Variants in CACNA1D observed in about 807,000 individuals in gnomAD.
CACNA1D encodes the protein calcium voltage-gated channel subunit alpha1 D.
Under a neutral mutation model 257.1 loss-of-function variants are expected in CACNA1D, and 55 were observed. That is an observed-to-expected ratio of 0.21 (90% CI 0.17 to 0.27). CACNA1D has a LOEUF of 0.27. Ranked by LOEUF, CACNA1D falls within the 10% of genes least tolerant of loss-of-function variation. The pLI, the probability that CACNA1D is intolerant of heterozygous loss-of-function variation, is 1.00. For synonymous variants in CACNA1D, 980 were observed against 1,014.9 expected (o/e 0.97, Z 0.65); for missense variants, 1,876 against 2,784.0 (o/e 0.67, Z 7.34).
At chr3:53,516,801 C>T (rs1044838771) in intron 3 of CACNA1D, among the ~76,000 whole-genome samples, 1 of 152,170 alleles carries the variant, frequency 6.6e-6, no homozygotes, top group Non-Finnish European at 1.5e-5. Flanking sequence ...TAGTTACTAG[C>T]GTCCCCATTT....
At chr3:53,674,998 C>A (rs2094360502) in intron 8 of CACNA1D, among the ~76,000 whole-genome samples, 3 of 152,240 alleles carry the variant, frequency 2.0e-5, no homozygotes, top group Admixed American at 2.0e-4. Flanking sequence ...TTTTTGGAAA[C>A]ACTGCCTTTT....
chr3:53,718,865 T>G (rs1252415715), intron 10 of CACNA1D: 2 of 843,592 alleles, frequency 2.4e-6, no homozygotes, highest in Non-Finnish European at 3.8e-6. Context: ...CATGGGACCT[T>G]CCTAACCTCA....
intron 3 of CACNA1D, among the ~76,000 whole-genome samples, chr3:53,538,454 G>A (rs1339577164): frequency 6.6e-6 from 1 of 152,132 alleles, no homozygotes; most frequent in African/African-American, 2.4e-5. Context: ...ACAGCGCCTG[G>A]CCTGTTTTTG....
chr3:53,810,434 G>A, intron 47 of CACNA1D, 136 bp downstream of exon 47: 1 of 832,718 alleles, frequency 1.2e-6, no homozygotes, highest in East Asian at 2.6e-5. Context: ...CTTCTGAGCA[G>A]CAGGAATGTA....
intron 3 of CACNA1D, among the ~76,000 whole-genome samples, chr3:53,579,274 A>G (rs2093091176): frequency 6.6e-6 from 1 of 152,262 alleles, no homozygotes; most frequent in Non-Finnish European, 1.5e-5. Context: ...AATCAAACAG[A>G]TGGACGGAGC....
Position 53,673,019 on chromosome 3 carries a change from G to C in CACNA1D, c.1117-4G>C. On this transcript the variant is annotated splice_region_variant and splice_polypyrimidine_tract_variant and intron_variant, in intron 7 of 47. Transcript: ENST00000350061. The surrounding 1 kb of genome is among the most constrained non-coding windows in gnomAD (Gnocchi z 4.1). ...CTCCTATGAGACCATCTTATTTCTTGCAGATGAATGATGCTATGGGATTTG... is the reference window on the plus strand; with the variant it reads ...CTCCTATGAGACCATCTTATTTCTTCCAGATGAATGATGCTATGGGATTTG... 1.9e-6 allele frequency: 3 copies of C among 1,544,398 alleles called. No homozygotes were observed. Among genetic ancestry groups the C allele is most frequent in the Non-Finnish European group, 1.8e-6 (2 of 1,140,352 alleles).
intron 5 of CACNA1D, among the ~76,000 whole-genome samples, chr3:53,663,957 G>A (rs1194169536): frequency 6.6e-6 from 1 of 152,016 alleles, no homozygotes; most frequent in Non-Finnish European, 1.5e-5. Flanking sequence ...GTAGAGATGG[G>A]GTTTCATCAT....
chr3:53,796,515 A>G, intron 40 of CACNA1D: 1 of 401,310 alleles, frequency 2.5e-6, no homozygotes, highest in South Asian at 1.8e-5. Flanking sequence ...CAGCAAAAGC[A>G]TTGCAAATGC....
At chr3:53,585,830 G>A (rs1442313295) in intron 3 of CACNA1D, among the ~76,000 whole-genome samples, 1 of 152,164 alleles carries the variant, frequency 6.6e-6, no homozygotes, top group Non-Finnish European at 1.5e-5. Flanking sequence ...AAGGGAGGCA[G>A]TGCCTGCAGT....
intron 3 of CACNA1D, among the ~76,000 whole-genome samples, chr3:53,600,908 C>A (rs1258200688): frequency 6.6e-6 from 1 of 152,190 alleles, no homozygotes; most frequent in Non-Finnish European, 1.5e-5. Flanking sequence ...GATTCCCGTA[C>A]ATGTCCTCTG....
intron 14 of CACNA1D, among the ~76,000 whole-genome samples, chr3:53,726,190 T>C (rs2094932936): frequency 1.3e-5 from 2 of 151,808 alleles, no homozygotes; most frequent in South Asian, 4.6e-4. Context: ...TAGCATGATA[T>C]CCTTTATGTC....
At chr3:53,697,448 G>A (rs1020037660) in intron 8 of CACNA1D, among the ~76,000 whole-genome samples, 6 of 152,330 alleles carry the variant, frequency 3.9e-5, no homozygotes, top group East Asian at 1.9e-4. Flanking sequence ...AACATTGTCC[G>A]TTCCTGCCTG....
At chr3:53,567,422 G>T (rs1322224762) in intron 3 of CACNA1D, among the ~76,000 whole-genome samples, 10 of 152,058 alleles carry the variant, frequency 6.6e-5, no homozygotes, top group Non-Finnish European at 1.5e-4. Flanking sequence ...CCCTACTTGG[G>T]GTATTCACAA....
At chr3:53,805,273 GC>G in intron 45 of CACNA1D, 127 bp downstream of exon 45, 2 of 847,160 alleles carry the variant, frequency 2.4e-6, no homozygotes, top group Non-Finnish European at 2.0e-6. Flanking sequence ...CTCAAGACCA[GC>G]CCCCAGCCAG....
intron 10 of CACNA1D, chr3:53,718,590 G>GC (rs1245576865): frequency 4.0e-5 from 13 of 324,646 alleles, no homozygotes; most frequent in East Asian, 1.3e-4. Flanking sequence ...CCGCCCCCCC[G>GC]CCCCCCGGCC....
rs532957038 is a variant in CACNA1D, at chr3:53,718,518, C to G, written c.1478+130C>G. On this transcript the variant is annotated intron_variant, in intron 10 of 47. Coordinates refer to ENST00000350061, the MANE Select transcript of CACNA1D (RefSeq NM_001128840.3). Reference sequence around the variant, plus strand: ...GGGTGTGGCGGGTGGGAAGGCTCCTCGTACCCCACGCCACGCTTCCTCCTG... The same window carrying G: ...GGGTGTGGCGGGTGGGAAGGCTCCTGGTACCCCACGCCACGCTTCCTCCTG... The G allele has an allele frequency of 2.9e-6, 3 of 1,046,596 alleles. No individual in the cohort carries two copies. In the South Asian group the frequency reaches 4.0e-5, roughly 14 times the overall value. The allele number at this position is 1,046,596 out of a possible 1,614,324, so 64.8% of individuals were successfully genotyped here.
chr3:53,654,309 G>A (rs535396391), intron 4 of CACNA1D, among the ~76,000 whole-genome samples: 5 of 152,256 alleles, frequency 3.3e-5, no homozygotes, highest in Non-Finnish European at 5.9e-5. Context: ...TTCTCCCCTC[G>A]TTTAAAAATT....
intron 3 of CACNA1D, among the ~76,000 whole-genome samples, chr3:53,568,013 G>GTT (rs2092877381): frequency 6.6e-6 from 1 of 152,180 alleles, no homozygotes; most frequent in African/African-American, 2.4e-5. Context: ...TAAATAAGTC[G>GTT]TTTAACCTAA....
rs1015685674 is a variant in CACNA1D at position 53,772,996 on chromosome 3, A to G, written c.4110+98A>G. The G allele has an allele frequency of 7.7e-6, 8 of 1,042,008 alleles. No individual in the cohort carries two copies. In the African/African-American group the frequency reaches 1.1e-4, roughly 14 times the overall value. 64.5% of individuals were successfully genotyped at this position (1,042,008 alleles called of 1,614,324 possible). ...GACCAAGTGAAGTAGAAGCATTGTG[A>G]TTTTTCAGCCAAATGCCTCTGCTGA... is the stretch of plus-strand genomic sequence containing the variant. On this transcript the variant is annotated intron_variant, in intron 33 of 47. Transcript: ENST00000350061.
Sources: gnomAD v4.1 joint callset for allele counts (sites outside exome capture counted in the v4.1 genomes callset) on GRCh38, gnomAD v4.1.1 for gene constraint, Gnocchi (gnomAD v3.1) non-coding constraint, MANE v1.5 for transcripts, NCBI Gene and HGNC (gene_info 2026-07-23, HGNC 2026-07-21) for gene names.